The following EEFSEC variants were observed in gnomAD, a reference collection of about 807,000 sequenced individuals.
EEFSEC encodes selenocysteine-specific elongation factor.
EEFSEC carries 43 observed loss-of-function variants against 42.1 expected under a neutral mutation model. That is an observed-to-expected ratio of 1.02 (90% CI 0.80 to 1.32). The LOEUF (loss-of-function observed/expected upper bound fraction) is 1.32. Ranked by LOEUF, EEFSEC falls within the 40% of genes most tolerant of loss-of-function variation. The pLI is 0.00. For missense variants in EEFSEC, 745 were observed against 803.6 expected (o/e 0.93, Z 0.88); for synonymous variants, 354 against 339.1 (o/e 1.04, Z -0.48).
chr3:128,313,134 T>G (rs1202567918), intron 4 of EEFSEC, among the ~76,000 whole-genome samples: 1 of 152,124 alleles, frequency 6.6e-6, no homozygotes, highest in African/African-American at 2.4e-5. Flanking sequence ...TAGAAACTGG[T>G]TTTTCCTATT....
chr3:128,264,717 T>A lies in EEFSEC; in HGVS notation c.722T>A (p.Met241Lys). The change falls in exon 4 of 7, where the codon ATG becomes AAG. Residue 241 changes from methionine to lysine, a missense_variant. Transcript: ENST00000254730. ...CFSIKGQGTV[M>K]TGTILSGSIS... ...TCCATCAAAGGCCAAGGCACTGTGA[T>A]GACAGGGACCATCCTTTCAGGCTCC... 1 of 1,614,154 alleles carries A rather than the reference T, an allele frequency of 6.2e-7. No homozygotes were observed. Among genetic ancestry groups the A allele is most frequent in the Non-Finnish European group, 8.5e-7 (1 of 1,180,016 alleles).
At chr3:128,379,099 C>T (rs187919553) in intron 6 of EEFSEC, among the ~76,000 whole-genome samples, 1 of 152,270 alleles carries the variant, frequency 6.6e-6, no homozygotes, top group Admixed American at 6.5e-5. Context: ...TGGATCTTGC[C>T]CCAGTGTCTG....
At chr3:128,295,384 C>T (rs1442080404) in intron 4 of EEFSEC, among the ~76,000 whole-genome samples, 1 of 147,404 alleles carries the variant, frequency 6.8e-6, no homozygotes, top group East Asian at 2.0e-4. Flanking sequence ...GAAATGCATC[C>T]GTATCTCATA....
intron 5 of EEFSEC, 72 bp from the exon 6 acceptor site, chr3:128,358,145 A>G: frequency 1.3e-6 from 2 of 1,560,490 alleles, no homozygotes; most frequent in Non-Finnish European, 1.7e-6. Context: ...AGCTGGGGCT[A>G]GGCACACAGT....
At chr3:128,330,126 A>C (rs1415637094) in intron 4 of EEFSEC, among the ~76,000 whole-genome samples, 1 of 152,208 alleles carries the variant, frequency 6.6e-6, no homozygotes, top group Non-Finnish European at 1.5e-5. Flanking sequence ...AATTCATTTA[A>C]AGTTTTATGG....
At chr3:128,280,029 A>G (rs1039801808) in intron 4 of EEFSEC, among the ~76,000 whole-genome samples, 3 of 152,242 alleles carry the variant, frequency 2.0e-5, no homozygotes, top group Non-Finnish European at 4.4e-5. Context: ...CAGATCCGCG[A>G]GGACAGAGAC....
intron 2 of EEFSEC, among the ~76,000 whole-genome samples, chr3:128,249,446 T>C (rs1379043646): frequency 6.6e-6 from 1 of 152,226 alleles, no homozygotes; most frequent in East Asian, 1.9e-4. Flanking sequence ...TAACATAATG[T>C]TTATCATTTT....
At chr3:128,157,104 T>TCC (rs1944394216) in intron 1 of EEFSEC, among the ~76,000 whole-genome samples, 1 of 152,244 alleles carries the variant, frequency 6.6e-6, no homozygotes, top group Non-Finnish European at 1.5e-5. Context: ...TATTGCTTTA[T>TCC]AGAGAAAGTT....
chr3:128,178,484 T>G (rs2065373291), intron 1 of EEFSEC, among the ~76,000 whole-genome samples: 1 of 152,224 alleles, frequency 6.6e-6, no homozygotes, highest in Non-Finnish European at 1.5e-5. Flanking sequence ...CCATTGTGTT[T>G]AGACTCAAAG....
At chr3:128,282,808 T>A (rs552636801) in intron 4 of EEFSEC, among the ~76,000 whole-genome samples, 1 of 152,314 alleles carries the variant, frequency 6.6e-6, no homozygotes, top group South Asian at 2.1e-4. Flanking sequence ...TTGCCTGTCA[T>A]CCTTCCCTGC....
chr3:128,168,121 A>G (rs1225299998), intron 1 of EEFSEC, among the ~76,000 whole-genome samples: 5 of 152,208 alleles, frequency 3.3e-5, no homozygotes, highest in African/African-American at 7.2e-5. Context: ...CAGGACGAGC[A>G]CTTTTAAACT....
chr3:128,412,455 G>T (rs746156780), downstream of EEFSEC, among the ~76,000 whole-genome samples: 8 of 152,244 alleles, frequency 5.3e-5, no homozygotes, highest in Non-Finnish European at 1.0e-4. Context: ...GTCCTCTGAG[G>T]CAGGGACTGG....
intron 1 of EEFSEC, among the ~76,000 whole-genome samples, chr3:128,200,298 T>A (rs2065630725): frequency 6.6e-6 from 1 of 152,096 alleles, no homozygotes; most frequent in East Asian, 1.9e-4. Flanking sequence ...TGAATCTCTT[T>A]TTTTTTTGAG....
chr3:128,378,800 A>C (rs907785020), intron 6 of EEFSEC, among the ~76,000 whole-genome samples: 2 of 151,704 alleles, frequency 1.3e-5, no homozygotes, highest in Non-Finnish European at 2.9e-5. Flanking sequence ...AGCTCATCCC[A>C]CTCCCGTCCC....
Position 128,364,396 on chromosome 3 carries a change from CT to C in EEFSEC, c.1600+6025del, listed in dbSNP as rs371887652. ...AGAGCAAGCTTCCTGGAGGAGTAGC[CT>C]TCTGAGCAGAAGGGCGAGCGGGGAG... is the stretch of plus-strand genomic sequence containing the variant. On this transcript the variant is annotated intron_variant, in intron 6 of 6. Coordinates refer to ENST00000254730, the MANE Select transcript of EEFSEC (RefSeq NM_021937.5). 2.7e-3 allele frequency among the ~76,000 whole-genome samples: 415 copies of C among 152,288 alleles called. 1 individual carries two copies. The highest frequency in any genetic ancestry group is 9.3e-3 in the African/African-American group (386 of 41,558).
downstream of EEFSEC, among the ~76,000 whole-genome samples, chr3:128,409,464 G>A (rs1559964419): frequency 6.6e-6 from 1 of 152,134 alleles, no homozygotes; most frequent in African/African-American, 2.4e-5. Context: ...GAGCTGCAAG[G>A]ATACCAGCGA....
chr3:128,346,940 A>G (rs532590507), intron 5 of EEFSEC, among the ~76,000 whole-genome samples: 1 of 152,388 alleles, frequency 6.6e-6, no homozygotes, highest in African/African-American at 2.4e-5. Context: ...GTCACAGGCC[A>G]TACAGAAACG....
At chr3:128,227,972 T>G (rs1170804162) in intron 1 of EEFSEC, among the ~76,000 whole-genome samples, 1 of 152,192 alleles carries the variant, frequency 6.6e-6, no homozygotes, top group Non-Finnish European at 1.5e-5. Context: ...TTTCTCCCCT[T>G]TTTTCTGTTT....
At chr3:128,183,821 G>C (rs1487697927) in intron 1 of EEFSEC, among the ~76,000 whole-genome samples, 1 of 152,200 alleles carries the variant, frequency 6.6e-6, no homozygotes, top group Non-Finnish European at 1.5e-5. Flanking sequence ...CTTGACATAA[G>C]TTGCTTTCCA....
Sources: allele counts gnomAD v4.1 joint callset (sites outside exome capture counted in the v4.1 genomes callset), GRCh38; gene constraint gnomAD v4.1.1; transcripts MANE v1.5; gene names NCBI Gene and HGNC (gene_info 2026-07-23, HGNC 2026-07-21).